PRUNE1: variants seen among roughly 807,000 people sequenced by gnomAD.
The protein encoded by PRUNE1 is exopolyphosphatase PRUNE1.
PRUNE1 carries 25 observed loss-of-function variants against 42.5 expected under a neutral mutation model. The observed-to-expected ratio is 0.59, with a 90% CI of 0.43 to 0.82. The LOEUF (loss-of-function observed/expected upper bound fraction) is 0.82. PRUNE1 is among the 40% of genes least tolerant of loss of function. PRUNE1 has a pLI of 0.00. For missense variants in PRUNE1, 443 were observed against 539.3 expected, an observed-to-expected ratio of 0.82 and a Z score of 1.77; for synonymous variants, 203 against 217.1, an observed-to-expected ratio of 0.93 and a Z score of 0.57.
intron 2 of PRUNE1, 111 bp from the exon 3 acceptor site, chr1:151,018,356 T>G: frequency 2.0e-5 from 19 of 952,868 alleles, no homozygotes; most frequent in Non-Finnish European, 2.9e-5. Context: ...CTTATGGCTT[T>G]GAGAAAGGTG....
intron 2 of PRUNE1, chr1:151,018,242 C>T: frequency 1.4e-6 from 1 of 718,526 alleles, no homozygotes; most frequent in Non-Finnish European, 2.5e-6. Context: ...TGCAGCATTG[C>T]ATCTAGAAAT....
intron 4 of PRUNE1, among the ~76,000 whole-genome samples, chr1:151,025,025 C>A (rs1674736348): frequency 6.6e-6 from 1 of 152,066 alleles, no homozygotes; most frequent in Non-Finnish European, 1.5e-5. Flanking sequence ...AAGAAGCTTC[C>A]TATTGGCATC....
intron 1 of PRUNE1, among the ~76,000 whole-genome samples, chr1:151,016,364 G>A (rs1437887923): frequency 2.6e-5 from 4 of 152,096 alleles, no homozygotes; most frequent in African/African-American, 9.7e-5. Flanking sequence ...CTGCCTCATT[G>A]GGTTAAAGAT....
chr1:151,010,307 C>G (rs1205382369), intron 1 of PRUNE1, among the ~76,000 whole-genome samples: 1 of 152,148 alleles, frequency 6.6e-6, no homozygotes, highest in Non-Finnish European at 1.5e-5. Context: ...TGGTTTCAAA[C>G]TCCTGGACTC....
At chr1:151,029,415 TG>T (rs908784577) in intron 7 of PRUNE1, among the ~76,000 whole-genome samples, 7 of 139,684 alleles carry the variant, frequency 5.0e-5, no homozygotes, top group African/African-American at 1.8e-4. Flanking sequence ...TTGCCCAGGC[TG>T]GGGTGCAGTG....
At chr1:151,011,601 C>T (rs1673773429) in intron 1 of PRUNE1, among the ~76,000 whole-genome samples, 1 of 152,004 alleles carries the variant, frequency 6.6e-6, no homozygotes, top group Non-Finnish European at 1.5e-5. Flanking sequence ...TTTTTCTCCC[C>T]CATTAACTAT....
In PRUNE1 at chr1:151,033,852, C is replaced by T. The variant is rs1270549522; in HGVS notation, c.980C>T (p.Thr327Ile). Residue 327 changes from threonine (T) to isoleucine (I), a missense_variant, in exon 8 of 8, where the codon ACC (threonine) becomes ATC (isoleucine). By Grantham distance (89) the Thr-to-Ile change is moderately conservative. Transcript: ENST00000271620. ...ERSHSPPLKLTPASSTHPNLH... is the reference protein window; with the variant it reads ...ERSHSPPLKLIPASSTHPNLH... The stretch of plus-strand genomic sequence containing the variant: ...TCCCACTCTCCACCCCTGAAGCTGA[C>T]CCCTGCCTCAAGTACCCACCCTAAC... 2 of 1,614,048 alleles carry T rather than the reference C, an allele frequency of 1.2e-6. No individual in the cohort carries two copies. Among genetic ancestry groups the T allele is most frequent in the Non-Finnish European group, 1.7e-6 (2 of 1,179,956 alleles).
intron 7 of PRUNE1, among the ~76,000 whole-genome samples, chr1:151,029,502 G>C (rs918192061): frequency 6.6e-6 from 1 of 151,464 alleles, no homozygotes; most frequent in Admixed American, 6.6e-5. Context: ...CGAGTAGCTG[G>C]GACTACAGGC....
In PRUNE1 at chr1:151,035,249, C is replaced by A. The variant is rs1181366695; in HGVS notation, c.*1015C>A. 6.6e-6 allele frequency: 1 copy of A among 152,228 alleles called. No individual in the cohort carries two copies. Among genetic ancestry groups the A allele is most frequent in the African/African-American group, 2.4e-5 (1 of 41,442 alleles). 9.4% of individuals were successfully genotyped at this position (152,228 alleles called of 1,614,324 possible). On this transcript the variant is annotated 3_prime_UTR_variant, in exon 8 of 8. Transcript: ENST00000271620. ...TGCCTCTTGCTGCCATTCTTTCTCT[C>A]CTCTGCTTCTCTGTATTTTTCTTCT...
At chr1:151,013,583 G>A (rs1053265215) in intron 1 of PRUNE1, among the ~76,000 whole-genome samples, 3 of 152,178 alleles carry the variant, frequency 2.0e-5, no homozygotes, top group African/African-American at 7.2e-5. Flanking sequence ...AATAAGCGTG[G>A]AAAGGTTCTC....
At chr1:151,014,927 C>T (rs1325385675) in intron 1 of PRUNE1, among the ~76,000 whole-genome samples, 1 of 152,160 alleles carries the variant, frequency 6.6e-6, no homozygotes, top group Non-Finnish European at 1.5e-5. Context: ...CATGGTGGCT[C>T]ATGCCTGTAA....
At chr1:151,018,725 A>T in intron 3 of PRUNE1, 56 bp downstream of exon 3, 2 of 1,500,884 alleles carry the variant, frequency 1.3e-6, no homozygotes, top group Non-Finnish European at 1.8e-6. Flanking sequence ...GGCTCTGATG[A>T]GTGAGATATA....
At position 151,025,692 on chromosome 1, in the gene PRUNE1, CT is replaced by C. The variant is rs775688688; in HGVS notation, c.679+23del. On this transcript the variant is annotated intron_variant, in intron 5 of 7. Coordinates refer to ENST00000271620, the MANE Select transcript of PRUNE1 (RefSeq NM_021222.3). The stretch of plus-strand genomic sequence containing the variant: ...GTATCAGGTATGAAATGTTAGCTGA[CT>C]TTTCTGCCTCCCAGATAAGAAAACA... 4 of 1,597,630 alleles carry C rather than the reference CT, an allele frequency of 2.5e-6. No individual in the cohort carries two copies. The highest frequency in any genetic ancestry group is 3.4e-6 in the Non-Finnish European group (4 of 1,171,702).
chr1:151,008,491 C>A lies in PRUNE1; in HGVS notation c.-142C>A. On this transcript the variant is annotated 5_prime_UTR_variant, in exon 1 of 8. Coordinates refer to ENST00000271620, the MANE Select transcript of PRUNE1 (RefSeq NM_021222.3). ...CTCCCGGGGTCGGAGGCCGATTCGC[C>A]GTGTGGCGGGTTCGAGTCCCGCCTC... 1.6e-6 allele frequency: 2 copies of A among 1,244,202 alleles called. No individual in the cohort carries two copies. The highest frequency in any genetic ancestry group is 2.3e-6 in the Non-Finnish European group (2 of 857,024). The allele number at this position is 1,244,202 out of a possible 1,614,324, so 77.1% of individuals were successfully genotyped here. A position where few individuals can be genotyped will look rare whatever the true frequency, so the allele number is the denominator to read the frequency against.
chr1:151,029,587 T>C (rs1675110357), intron 7 of PRUNE1, among the ~76,000 whole-genome samples: 3 of 151,686 alleles, frequency 2.0e-5, no homozygotes, highest in Admixed American at 1.3e-4. Flanking sequence ...CAGGATAGTC[T>C]CGATCTCCTG....
Position 151,034,121 on chromosome 1 carries a change from G to A in PRUNE1, c.1249G>A (p.Asp417Asn). 1 of 1,614,230 alleles carries A rather than the reference G, an allele frequency of 6.2e-7. No individual in the cohort carries two copies. Among genetic ancestry groups the A allele is most frequent in the Non-Finnish European group, 8.5e-7 (1 of 1,180,042 alleles). ...LPPTPMNSLV[D>N]ECPLDQGLPK... The stretch of plus-strand genomic sequence containing the variant: ...CCCGACGCCCATGAACAGCTTGGTG[G>A]ATGAGTGCCCTCTAGATCAGGGGCT... The change falls in exon 8 of 8, where the codon GAT (aspartate) becomes AAT (asparagine). Residue 417 changes from aspartate (D) to asparagine (N), a missense_variant. Physicochemically the swap from Asp to Asn is conservative, Grantham distance 23. Coordinates refer to ENST00000271620, the MANE Select transcript of PRUNE1 (RefSeq NM_021222.3).
Position 151,034,363 on chromosome 1 carries a change from T to C in PRUNE1, c.*129T>C. On this transcript the variant is annotated 3_prime_UTR_variant, in exon 8 of 8. Coordinates refer to ENST00000271620, the MANE Select transcript of PRUNE1 (RefSeq NM_021222.3). ...ATCTGGTATACTGTTCTCATAAAAC[T>C]GAGAGGAGAAAAAAAGTGAAAGAAA... 9.8e-7 allele frequency: 1 copy of C among 1,017,686 alleles called. No individual in the cohort carries two copies. The allele number at this position is 1,017,686 out of a possible 1,614,324, so 63.0% of individuals were successfully genotyped here.
intron 1 of PRUNE1, 39 bp downstream of exon 1, chr1:151,008,710 C>T (rs757938843): frequency 1.9e-6 from 3 of 1,607,182 alleles, no homozygotes; most frequent in East Asian, 2.2e-5. Flanking sequence ...GAATGGAGCA[C>T]GGGGTCCAGG....
chr1:151,015,166 A>G (rs1674020802), intron 1 of PRUNE1, among the ~76,000 whole-genome samples: 1 of 149,168 alleles, frequency 6.7e-6, no homozygotes, highest in African/African-American at 2.5e-5. Flanking sequence ...TGTCTCTACT[A>G]AAAAATACAA....
Sources: gnomAD v4.1 joint callset for allele counts (sites outside exome capture counted in the v4.1 genomes callset) on GRCh38, gnomAD v4.1.1 for gene constraint, MANE v1.5 for transcripts, NCBI Gene and HGNC (gene_info 2026-07-23, HGNC 2026-07-21) for gene names.